UBFD1: variants seen among roughly 807,000 people sequenced by gnomAD.
UBFD1 encodes ubiquitin family domain containing 1.
A neutral mutation model predicts 35.1 loss-of-function variants in UBFD1; 12 were observed. The ratio of observed to expected loss-of-function variants is 0.34; its 90% CI spans 0.22 to 0.55. The LOEUF (loss-of-function observed/expected upper bound fraction) is 0.55. Among genes scored for constraint, UBFD1 ranks in the 20% least tolerant of loss-of-function variants. The pLI, the probability that UBFD1 is intolerant of heterozygous loss-of-function variation, is 0.89. For synonymous variants in UBFD1, 178 were observed against 167.6 expected (o/e 1.06, Z -0.48); for missense variants, 337 against 410.8 (o/e 0.82, Z 1.55).
Position 23,570,983 on chromosome 16 carries a change from TCATA to T in UBFD1, c.*397_*400del, listed in dbSNP as rs1966076101. The T allele has an allele frequency of 6.5e-6, 1 of 153,992 alleles. No individual in the cohort carries two copies. The highest frequency in any genetic ancestry group is 1.4e-5 in the Non-Finnish European group (1 of 69,138). The allele number at this position is 153,992 out of a possible 1,614,324, so 9.5% of individuals were successfully genotyped here. On this transcript the variant is annotated 3_prime_UTR_variant, in exon 7 of 7. Coordinates refer to ENST00000395878, the MANE Select transcript of UBFD1 (RefSeq NM_019116.3). ...AAAAGCAGTTTCAATTGAAATATTT[TCATA>T]CATCTTTGGTTGCAAACATTTGGAC...
At chr16:23,557,834 C>A (rs919212433) in intron 1 of UBFD1, 67 bp downstream of exon 1, 77 of 1,273,670 alleles carry the variant, frequency 6.0e-5, no homozygotes, top group Non-Finnish European at 6.4e-5. Context: ...CTGGGGGATG[C>A]GGCCCGGCCC....
At chr16:23,561,920 G>A (rs1033608691) in intron 3 of UBFD1, 6 of 314,448 alleles carry the variant, frequency 1.9e-5, no homozygotes, top group African/African-American at 1.3e-4. Flanking sequence ...CATGTGGCTG[G>A]TTAAAATGAA....
chr16:23,562,515 G>A (rs1049901639), intron 4 of UBFD1, 110 bp from the exon 5 acceptor site: 3 of 1,012,438 alleles, frequency 3.0e-6, no homozygotes, highest in Non-Finnish European at 4.4e-6. Flanking sequence ...TGATCTGACC[G>A]CTTTGGCCTC....
chr16:23,569,015 G>A (rs1343582577), intron 6 of UBFD1: 2 of 152,150 alleles, frequency 1.3e-5, no homozygotes, highest in Admixed American at 1.3e-4. Flanking sequence ...GTCTTTGGAG[G>A]AATTGGTGTG....
intron 6 of UBFD1, 59 bp downstream of exon 6, chr16:23,567,128 G>A (rs2142219694): frequency 1.3e-6 from 2 of 1,529,794 alleles, no homozygotes. Context: ...ACCTGGCAGG[G>A]AACAGTTTTA....
At position 23,558,124 on chromosome 16, in the gene UBFD1, C is replaced by G. The variant is rs1385427636; in HGVS notation, c.200C>G (p.Ala67Gly). ...GCCCAGCCCCCTGGGGACCCCGCAG[C>G]CCAGGCCTCGGTCAGCAACGGCGAA... ...APAQPPGDPA[A>G]QASVSNGEDA... Residue 67 changes from alanine (A) to glycine (G), a missense_variant, in exon 2 of 7, where the codon GCC becomes GGC. Physicochemically the swap from Ala to Gly is moderately conservative, Grantham distance 60. Around this residue, in one of 4 missense-constraint regions of UBFD1, gnomAD observed 198 missense variants for 168.4 expected, o/e 1.18. Coordinates refer to ENST00000395878, the MANE Select transcript of UBFD1 (RefSeq NM_019116.3). 6.3e-7 allele frequency: 1 copy of G among 1,599,990 alleles called. No individual in the cohort carries two copies. Among genetic ancestry groups the G allele is most frequent in the Non-Finnish European group, 8.5e-7 (1 of 1,174,530 alleles).
rs1294095540 is a variant in UBFD1 at position 23,573,424 on chromosome 16, G to A, written c.*2834G>A. ...TTTTTTCCCTCCCTGAGGCGCCTTG[G>A]CAGAAGAGCGTGACCCTGTGAGCCA... On this transcript the variant is annotated 3_prime_UTR_variant, in exon 7 of 7. Coordinates refer to ENST00000395878, the MANE Select transcript of UBFD1 (RefSeq NM_019116.3). The A allele has an allele frequency of 6.6e-6, 1 of 152,178 alleles. No individual in the cohort carries two copies. The highest frequency in any genetic ancestry group is 1.9e-4 in the East Asian group (1 of 5,178). 9.4% of individuals were successfully genotyped at this position (152,178 alleles called of 1,614,324 possible).
rs989272283 is a variant in UBFD1 at position 23,573,246 on chromosome 16, CTG to C, written c.*2658_*2659del. On this transcript the variant is annotated 3_prime_UTR_variant, in exon 7 of 7. Coordinates refer to ENST00000395878, the MANE Select transcript of UBFD1 (RefSeq NM_019116.3). ...GGAAGAGCTGGTTTCCGGAGAGTGA[CTG>C]TAACAGCGTTGACTCGAAGCTAGAG... 5.9e-5 allele frequency: 9 copies of C among 152,134 alleles called. No homozygotes were observed. The highest frequency in any genetic ancestry group is 2.2e-4 in the African/African-American group (9 of 41,428). The allele number at this position is 152,134 out of a possible 1,614,324, so 9.4% of individuals were successfully genotyped here.
At chr16:23,558,542 T>TA (rs1965867116) in intron 2 of UBFD1, among the ~76,000 whole-genome samples, 1 of 152,184 alleles carries the variant, frequency 6.6e-6, no homozygotes, top group Non-Finnish European at 1.5e-5. Flanking sequence ...CATCTCTAAT[T>TA]AAAAAATCAC....
In UBFD1 at chr16:23,572,930, G is replaced by A. The variant is rs961334694; in HGVS notation, c.*2340G>A. Reference sequence around the variant, plus strand: ...ATGGAAGACCTTGCTGGACGCTCTCGGGAGAGCAGACATAGCACCAGAAGC... The same window carrying A: ...ATGGAAGACCTTGCTGGACGCTCTCAGGAGAGCAGACATAGCACCAGAAGC... On this transcript the variant is annotated 3_prime_UTR_variant, in exon 7 of 7. Transcript: ENST00000395878. 6.6e-6 allele frequency: 1 copy of A among 152,158 alleles called. No homozygotes were observed. Among genetic ancestry groups the A allele is most frequent in the African/African-American group, 2.4e-5 (1 of 41,432 alleles). 9.4% of individuals were successfully genotyped at this position (152,158 alleles called of 1,614,324 possible). A position where few individuals can be genotyped will look rare whatever the true frequency, so the allele number is the denominator to read the frequency against.
intron 3 of UBFD1, 173 bp from the exon 4 acceptor site, chr16:23,562,033 A>G (rs920500342): frequency 3.4e-6 from 2 of 592,334 alleles, no homozygotes; most frequent in Admixed American, 6.6e-5. Flanking sequence ...TCGCCCTCCC[A>G]GAAAGTTCTG....
rs1965852894 is a variant in UBFD1, at chr16:23,558,155, G to T, written c.231G>T (p.Ala77=). 6.2e-7 allele frequency: 1 copy of T among 1,604,838 alleles called. No homozygotes were observed. Among genetic ancestry groups the T allele is most frequent in the Non-Finnish European group, 8.5e-7 (1 of 1,176,576 alleles). Residue 77 remains alanine, a synonymous_variant, in exon 2 of 7, where the codon GCG becomes GCT. Coordinates refer to ENST00000395878, the MANE Select transcript of UBFD1 (RefSeq NM_019116.3). Reference sequence around the variant, plus strand: ...CCTCGGTCAGCAACGGCGAAGACGCGGGCGGCGGCGCGGGCAGGGAGCTGG... The same window carrying T: ...CCTCGGTCAGCAACGGCGAAGACGCTGGCGGCGGCGCGGGCAGGGAGCTGG... ...AQASVSNGED[A]GGGAGRELVD... is the part of the protein sequence containing the mutation.
chr16:23,567,122 G>C, intron 6 of UBFD1, 53 bp downstream of exon 6: 1 of 1,545,098 alleles, frequency 6.5e-7, no homozygotes, highest in South Asian at 1.1e-5. Flanking sequence ...CACTTCACCT[G>C]GCAGGGAACA....
At position 23,570,634 on chromosome 16, in the gene UBFD1, G is replaced by T. The variant is rs1206959402; in HGVS notation, c.*44G>T. Reference sequence around the variant, plus strand: ...CCCAGGAGACTGACCCAAAGTGAAGGACATTGCCGGGAGAGGCCTGCAGCA... The same window carrying T: ...CCCAGGAGACTGACCCAAAGTGAAGTACATTGCCGGGAGAGGCCTGCAGCA... On this transcript the variant is annotated 3_prime_UTR_variant, in exon 7 of 7. Coordinates refer to ENST00000395878, the MANE Select transcript of UBFD1 (RefSeq NM_019116.3). 2.0e-6 allele frequency: 3 copies of T among 1,523,050 alleles called. No homozygotes were observed. Among genetic ancestry groups the T allele is most frequent in the Non-Finnish European group, 2.7e-6 (3 of 1,098,744 alleles). 94.3% of individuals were successfully genotyped at this position (1,523,050 alleles called of 1,614,324 possible).
chr16:23,560,993 A>G (rs1033646218), intron 3 of UBFD1, among the ~76,000 whole-genome samples: 5 of 152,164 alleles, frequency 3.3e-5, no homozygotes, highest in African/African-American at 9.7e-5. Flanking sequence ...TCCTAAATAC[A>G]GGTTTTTAGT....
chr16:23,562,174 T>C, intron 3 of UBFD1, 32 bp from the exon 4 acceptor site: 1 of 1,576,528 alleles, frequency 6.3e-7, no homozygotes, highest in South Asian at 1.1e-5. Context: ...TGTAGTCAGC[T>C]GTTTCATTTC....
intron 2 of UBFD1, chr16:23,559,225 A>C (rs1486137971): frequency 2.5e-6 from 1 of 398,076 alleles, no homozygotes; most frequent in Admixed American, 4.3e-5. Context: ...TAGCCACCGT[A>C]CTAAATGCCC....
chr16:23,570,533 A>G lies in UBFD1; in HGVS notation c.873A>G (p.Pro291=). ...EASYYWVYWV[P]TQYVDAIKDT... is the part of the protein sequence containing the mutation. ...CTTACTACTGGGTGTACTGGGTTCC[A>G]ACTCAATATGTGGATGCAATCAAAG... is the stretch of plus-strand genomic sequence containing the variant. Residue 291 remains proline (P), a synonymous_variant, in exon 7 of 7, where the codon CCA becomes CCG. Coordinates refer to ENST00000395878, the MANE Select transcript of UBFD1 (RefSeq NM_019116.3). 1.2e-6 allele frequency: 2 copies of G among 1,614,088 alleles called. No homozygotes were observed. The highest frequency in any genetic ancestry group is 1.7e-6 in the Non-Finnish European group (2 of 1,180,008).
In UBFD1 at chr16:23,571,694, C is replaced by T. The variant is rs1799440551; in HGVS notation, c.*1104C>T. On this transcript the variant is annotated 3_prime_UTR_variant, in exon 7 of 7. Coordinates refer to ENST00000395878, the MANE Select transcript of UBFD1 (RefSeq NM_019116.3). ...TGCATTCAGTTCAAGTGTCCTTTATCCCAGGTTCAGAGATGCTGCCTTTCT... is the reference window on the plus strand; with the variant it reads ...TGCATTCAGTTCAAGTGTCCTTTATTCCAGGTTCAGAGATGCTGCCTTTCT... 6.6e-6 allele frequency: 1 copy of T among 152,668 alleles called. No homozygotes were observed. Among genetic ancestry groups the T allele is most frequent in the African/African-American group, 2.4e-5 (1 of 41,466 alleles). 9.5% of individuals were successfully genotyped at this position (152,668 alleles called of 1,614,324 possible).
Sources: allele counts gnomAD v4.1 joint callset (sites outside exome capture counted in the v4.1 genomes callset), GRCh38; gene constraint gnomAD v4.1.1; regional missense constraint gnomAD v4.1.1; transcripts MANE v1.5; gene names NCBI Gene and HGNC (gene_info 2026-07-23, HGNC 2026-07-21).